Variants in SYNPO2L observed in about 807,000 individuals in gnomAD.
The protein encoded by SYNPO2L is synaptopodin 2 like.
In SYNPO2L, 34 loss-of-function variants were observed where a neutral mutation model predicts 47.5. The observed-to-expected ratio is 0.72, with a 90% confidence interval of 0.54 to 0.95. SYNPO2L has a LOEUF of 0.95. Ranked by LOEUF, SYNPO2L falls within the 40% of genes least tolerant of loss-of-function variation. The pLI is 0.00. For missense variants in SYNPO2L, 1,246 were observed against 1,282.0 expected, an observed-to-expected ratio of 0.97 and a Z score of 0.43; for synonymous variants, 536 against 524.9, an observed-to-expected ratio of 1.02 and a Z score of -0.29.
In SYNPO2L at chr10:73,646,445, G is replaced by A. The variant is rs12570798; in HGVS notation, c.*273C>T. 2 of 1,167,644 alleles carry A rather than the reference G, an allele frequency of 1.7e-6. No individual in the cohort carries two copies. Among genetic ancestry groups the A allele is most frequent in the Non-Finnish European group, 2.1e-6 (2 of 947,904 alleles). 72.3% of individuals were successfully genotyped at this position (1,167,644 alleles called of 1,614,324 possible). A position where few individuals can be genotyped will look rare whatever the true frequency, so the allele number is the denominator to read the frequency against. On this transcript the variant is annotated 3_prime_UTR_variant, in exon 4 of 4. Coordinates refer to ENST00000394810, the MANE Select transcript of SYNPO2L (RefSeq NM_001114133.3). ...AAGAGAGATCTGTGGAGGAATATGGGTGGAGAAGCCTGGAAATAAAGACAG... is the reference window on the plus strand; with the variant it reads ...AAGAGAGATCTGTGGAGGAATATGGATGGAGAAGCCTGGAAATAAAGACAG...
In SYNPO2L at chr10:73,648,349, G is replaced by C. The variant is rs2081800205; in HGVS notation, c.1303C>G (p.Leu435Val). 2 of 1,604,896 alleles carry C rather than the reference G, an allele frequency of 1.2e-6. No homozygotes were observed. The highest frequency in any genetic ancestry group is 1.7e-6 in the Non-Finnish European group (2 of 1,178,796). Residue 435 changes from leucine to valine, a missense_variant, in exon 4 of 4, where the codon CTC becomes GTC. By Grantham distance (32) the Leu-to-Val change is conservative. Around this residue, in one of 3 missense-constraint regions of SYNPO2L, gnomAD observed 1,037 missense variants for 1,021.5 expected, o/e 1.02. Coordinates refer to ENST00000394810, the MANE Select transcript of SYNPO2L (RefSeq NM_001114133.3). ...AQSAPPEAAV[L>V]PPSPLPAPVA... ...GGCGCCGGCAAGGGGCTGGGTGGGA[G>C]CACAGCTGCCTCTGGGGGAGCACTC...
chr10:73,650,918 C>T (rs150707091), intron 3 of SYNPO2L: 49 of 1,612,692 alleles, frequency 3.0e-5, no homozygotes, highest in African/African-American at 4.0e-5. Context: ...CTGCATAGAA[C>T]GAGTCTTGGA....
In SYNPO2L at chr10:73,648,760, A is replaced by G; in HGVS notation, c.892T>C (p.Phe298Leu). The G allele has an allele frequency of 6.2e-7, 1 of 1,612,080 alleles. No homozygotes were observed. The highest frequency in any genetic ancestry group is 8.5e-7 in the Non-Finnish European group (1 of 1,178,772). ...PNPHSKGVLM[F>L]KKRRQRAKKY... ...TTGGCTCTCTGCCGCCGTTTCTTAA[A>G]CATAAGTACCCCTTTGGAGTGGGGG... The change falls in exon 4 of 4, where the codon TTT becomes CTT. Residue 298 changes from phenylalanine to leucine, a missense_variant. Phe to Leu is a conservative substitution (Grantham distance 22). This residue lies in a region of SYNPO2L where 1,037 missense variants were observed against 1,021.5 expected (regional missense o/e 1.02). Transcript: ENST00000394810.
intron 2 of SYNPO2L, 61 bp downstream of exon 2, chr10:73,654,068 G>A: frequency 2.6e-6 from 4 of 1,530,436 alleles, no homozygotes; most frequent in Non-Finnish European, 3.5e-6. Flanking sequence ...GTGAGACATA[G>A]AGCTGAGACA....
Position 73,653,661 on chromosome 10 carries a change from G to A in SYNPO2L, c.258-8C>T. The A allele has an allele frequency of 1.3e-6, 2 of 1,531,086 alleles. No individual in the cohort carries two copies. The highest frequency in any genetic ancestry group is 1.4e-5 in the African/African-American group (1 of 72,738). 94.8% of individuals were successfully genotyped at this position (1,531,086 alleles called of 1,614,324 possible). ...GGACCCTCGTCTGCTAACCTGGATA[G>A]GAAAGATGACAGAGCTTGAGAGATG... On this transcript the variant is annotated splice_region_variant and splice_polypyrimidine_tract_variant and intron_variant, in intron 2 of 3. Transcript: ENST00000394810.
chr10:73,646,722 T>C lies in SYNPO2L; in HGVS notation c.2930A>G (p.Gln977Arg). The change falls in exon 4 of 4, where the codon CAG becomes CGG. Residue 977 changes from glutamine to arginine, a missense_variant. Coordinates refer to ENST00000394810, the MANE Select transcript of SYNPO2L (RefSeq NM_001114133.3). ...GGTCCTGGGACCTGTGCCTGTTCAC[T>C]GGTGCCCTGCCCCAGGCCTCCACAC... ...AHVWRPGAGH[Q>R] 2 of 1,486,300 alleles carry C rather than the reference T, an allele frequency of 1.3e-6. No homozygotes were observed. Among genetic ancestry groups the C allele is most frequent in the African/African-American group, 1.4e-5 (1 of 71,356 alleles). The allele number at this position is 1,486,300 out of a possible 1,614,324, so 92.1% of individuals were successfully genotyped here.
rs1424530532 is a variant in SYNPO2L at position 73,645,888 on chromosome 10, A to G, written c.*830T>C. 6.2e-6 allele frequency: 6 copies of G among 968,792 alleles called. No individual in the cohort carries two copies. Among genetic ancestry groups the G allele is most frequent in the Non-Finnish European group, 7.4e-6 (6 of 814,636 alleles). 60.0% of individuals were successfully genotyped at this position (968,792 alleles called of 1,614,324 possible). On this transcript the variant is annotated 3_prime_UTR_variant, in exon 4 of 4. Coordinates refer to ENST00000394810, the MANE Select transcript of SYNPO2L (RefSeq NM_001114133.3). ...CGCCCAGGCTGGAGTGCAGTGGCGCAATCTCAGCTCACTGCAAGCTCCGCC... is the reference window on the plus strand; with the variant it reads ...CGCCCAGGCTGGAGTGCAGTGGCGCGATCTCAGCTCACTGCAAGCTCCGCC...
At position 73,648,624 on chromosome 10, in the gene SYNPO2L, GC is replaced by G. The variant is rs780525349; in HGVS notation, c.1027del (p.Ala343ProfsTer38). On this transcript the variant is annotated frameshift_variant, in exon 4 of 4. Transcript: ENST00000394810. LOFTEE classifies it low-confidence loss of function (END_TRUNC). ...GTCAGATTGATTGGTGAGGCTGCGG[GC>G]GTCAGAGAAGGCTTCTTCGTCCAGC... ...SELDEEAFSD[A>X]RSLTNQSDWD... The G allele has an allele frequency of 6.2e-7, 1 of 1,613,960 alleles. No individual in the cohort carries two copies. The highest frequency in any genetic ancestry group is 8.5e-7 in the Non-Finnish European group (1 of 1,179,842).
In SYNPO2L at chr10:73,645,843, G is replaced by A; in HGVS notation, c.*875C>T. ...GGTCTTTTGTTTGTTTGTTTGTTTT[G>A]AGACAGAGTCTCGCTCCGTCGCCCA... On this transcript the variant is annotated 3_prime_UTR_variant, in exon 4 of 4. Transcript: ENST00000394810. 2 of 985,918 alleles carry A rather than the reference G, an allele frequency of 2.0e-6. No homozygotes were observed. Among genetic ancestry groups the A allele is most frequent in the Non-Finnish European group, 2.4e-6 (2 of 830,146 alleles). The allele number at this position is 985,918 out of a possible 1,614,324, so 61.1% of individuals were successfully genotyped here. A position where few individuals can be genotyped will look rare whatever the true frequency, so the allele number is the denominator to read the frequency against.
Position 73,653,206 on chromosome 10 carries a change from C to A in SYNPO2L, c.705G>T (p.Val235=). The change falls in exon 3 of 4, where the codon GTG becomes GTT. Residue 235 remains valine (V), a synonymous_variant. Transcript: ENST00000394810. ...CTGCCACTGGGTGGGGAACAGGCCC[C>A]ACCATAGGGATGAGATGAGGACCAG... ...LRPGPHLIPM[V]GPVPHPVAED... is the part of the protein sequence containing the mutation. 6.7e-7 allele frequency: 1 copy of A among 1,483,632 alleles called. No individual in the cohort carries two copies. The highest frequency in any genetic ancestry group is 1.4e-5 in the South Asian group (1 of 72,536). 91.9% of individuals were successfully genotyped at this position (1,483,632 alleles called of 1,614,324 possible).
intron 3 of SYNPO2L, chr10:73,650,840 T>C (rs922889814): frequency 6.8e-7 from 1 of 1,475,424 alleles, no homozygotes; most frequent in African/African-American, 1.4e-5. Context: ...AGACTACCCT[T>C]CCTAAACTAT....
intron 3 of SYNPO2L, chr10:73,651,070 G>A: frequency 3.9e-6 from 6 of 1,543,564 alleles, no homozygotes; most frequent in Non-Finnish European, 5.2e-6. Context: ...GCCTTTTAAA[G>A]CCCCTTTGTC....
chr10:73,654,419 C>T, intron 1 of SYNPO2L, 139 bp from the exon 2 acceptor site: 1 of 1,071,780 alleles, frequency 9.3e-7, no homozygotes, highest in Non-Finnish European at 1.3e-6. Context: ...GAAGTGGCTG[C>T]AGTTGAAGTG....
At position 73,648,679 on chromosome 10, in the gene SYNPO2L, C is replaced by T; in HGVS notation, c.973G>A (p.Asp325Asn). Reference sequence around the variant, plus strand: ...GACTCACTCGTGGGGGGAACGCCGTCCTCCTCCTCAGCGCCTGTCCCAGCA... The same window carrying T: ...GACTCACTCGTGGGGGGAACGCCGTTCTCCTCCTCAGCGCCTGTCCCAGCA... ...AAAGTGAEEEDGVPPTSESEL... is the reference protein window; with the variant it reads ...AAAGTGAEEENGVPPTSESEL... Residue 325 changes from aspartate (D) to asparagine (N), a missense_variant, in exon 4 of 4, where the codon GAC becomes AAC. Transcript: ENST00000394810. The T allele has an allele frequency of 6.2e-7, 1 of 1,610,462 alleles. No homozygotes were observed. Among genetic ancestry groups the T allele is most frequent in the Non-Finnish European group, 8.5e-7 (1 of 1,176,870 alleles).
chr10:73,653,235 G>T lies in SYNPO2L; in HGVS notation c.676C>A (p.Arg226=). 6.5e-7 allele frequency: 1 copy of T among 1,532,866 alleles called. No individual in the cohort carries two copies. The highest frequency in any genetic ancestry group is 8.8e-7 in the Non-Finnish European group (1 of 1,136,746). 95.0% of individuals were successfully genotyped at this position (1,532,866 alleles called of 1,614,324 possible). A position where few individuals can be genotyped will look rare whatever the true frequency, so the allele number is the denominator to read the frequency against. Residue 226 remains arginine, a synonymous_variant, in exon 3 of 4, where the codon CGA becomes AGA. Coordinates refer to ENST00000394810, the MANE Select transcript of SYNPO2L (RefSeq NM_001114133.3). ...ATAGGGATGAGATGAGGACCAGGTC[G>T]GAGGGGGCCATGGGGTAACAGCAGA... is the stretch of plus-strand genomic sequence containing the variant. The part of the protein sequence containing the change: ...EALLLPHGPL[R]PGPHLIPMVG...
intron 3 of SYNPO2L, among the ~76,000 whole-genome samples, chr10:73,651,403 T>C (rs1357101128): frequency 2.0e-5 from 3 of 152,090 alleles, no homozygotes; most frequent in Non-Finnish European, 4.4e-5. Flanking sequence ...CTCATGTCCT[T>C]AGCCTCCACT....
At position 73,647,739 on chromosome 10, in the gene SYNPO2L, C is replaced by A. The variant is rs1464867858; in HGVS notation, c.1913G>T (p.Arg638Leu). Residue 638 changes from arginine to leucine, a missense_variant, in exon 4 of 4, where the codon CGG becomes CTG. Coordinates refer to ENST00000394810, the MANE Select transcript of SYNPO2L (RefSeq NM_001114133.3). ...GTTCTTCGTCTCCTCCTTTCCCGGC[C>A]GGAACATCTGCTTCCGGGTCCCCCG... ...RRRGTRKQMF[R>L]PGKEETKNSP... is the part of the protein sequence containing the mutation. 6.2e-7 allele frequency: 1 copy of A among 1,614,092 alleles called. No individual in the cohort carries two copies. Among genetic ancestry groups the A allele is most frequent in the Non-Finnish European group, 8.5e-7 (1 of 1,179,970 alleles).
At chr10:73,650,607 T>C (rs754088438) in intron 3 of SYNPO2L, 6 of 840,418 alleles carry the variant, frequency 7.1e-6, no homozygotes, top group Non-Finnish European at 8.6e-6. Flanking sequence ...ATGGATACTT[T>C]CTTGTTCACA....
rs41280406 is a variant in SYNPO2L at position 73,646,685 on chromosome 10, C to A, written c.*33G>T. 14,592 of 1,420,196 alleles carry A rather than the reference C, an allele frequency of 0.01. 88 individuals carry two copies. The highest frequency in any genetic ancestry group is 0.012 in the Non-Finnish European group (13,475 of 1,082,554). 88.0% of individuals were successfully genotyped at this position (1,420,196 alleles called of 1,614,324 possible). On this transcript the variant is annotated 3_prime_UTR_variant, in exon 4 of 4. Transcript: ENST00000394810. ...GAAGCAACTTTAGGAACTGGATGTT[C>A]CACCTCTCCTTGGTCCTGGGACCTG...
Sources: gnomAD v4.1 joint callset for allele counts (sites outside exome capture counted in the v4.1 genomes callset) on GRCh38, gnomAD v4.1.1 for gene constraint, gnomAD v4.1.1 regional missense constraint, MANE v1.5 for transcripts, NCBI Gene and HGNC (gene_info 2026-07-23, HGNC 2026-07-21) for gene names.